ZNRF3: variants seen among roughly 807,000 people sequenced by gnomAD.
The protein encoded by ZNRF3 is zinc and ring finger 3, also known as E3 ubiquitin-protein ligase ZNRF3.
Under a neutral mutation model 72.5 loss-of-function variants are expected in ZNRF3, and 23 were observed. The ratio of observed to expected loss-of-function variants is 0.32; its 90% CI spans 0.23 to 0.45. The LOEUF (loss-of-function observed/expected upper bound fraction) is 0.45. Ranked by LOEUF, ZNRF3 falls within the 20% of genes least tolerant of loss-of-function variation. The pLI is 1.00. For missense variants in ZNRF3, 1,169 were observed against 1,272.1 expected (o/e 0.92, Z 1.23); for synonymous variants, 610 against 545.3 (o/e 1.12, Z -1.65).
At chr22:29,008,732 G>A (rs2036300130) in intron 2 of ZNRF3, among the ~76,000 whole-genome samples, 1 of 152,174 alleles carries the variant, frequency 6.6e-6, no homozygotes, top group Admixed American at 6.5e-5. Context: ...TCACTGGTAA[G>A]ACCAACAACT....
Position 29,053,732 on chromosome 22 carries a change from AGTG to A in ZNRF3, c.*113_*115del. Reference sequence around the variant, plus strand: ...TTTTTAGCTTTGACAAACACACAAAAGTGGTAATAAAGAGAGCCCTCCTTGTCA... The same window carrying A: ...TTTTTAGCTTTGACAAACACACAAAAGTAATAAAGAGAGCCCTCCTTGTCA... On this transcript the variant is annotated 3_prime_UTR_variant, in exon 9 of 9. Transcript: ENST00000544604. 8.6e-7 allele frequency: 1 copy of A among 1,163,936 alleles called. No homozygotes were observed. The highest frequency in any genetic ancestry group is 1.2e-6 in the Non-Finnish European group (1 of 821,056). The allele number at this position is 1,163,936 out of a possible 1,614,324, so 72.1% of individuals were successfully genotyped here.
At chr22:28,904,482 G>A (rs2034167669) in intron 1 of ZNRF3, among the ~76,000 whole-genome samples, 1 of 152,222 alleles carries the variant, frequency 6.6e-6, no homozygotes, top group Non-Finnish European at 1.5e-5. Context: ...GAAGCTGGCA[G>A]TGCTAGAGGC....
intron 2 of ZNRF3, among the ~76,000 whole-genome samples, chr22:29,020,052 AGT>A (rs1312923730): frequency 6.6e-6 from 1 of 152,128 alleles, no homozygotes; most frequent in East Asian, 1.9e-4. Flanking sequence ...CAGATGCTCA[AGT>A]ACCTTATATA....
intron 1 of ZNRF3, among the ~76,000 whole-genome samples, chr22:28,941,355 A>G (rs1262893809): frequency 6.6e-6 from 1 of 152,184 alleles, no homozygotes; most frequent in Non-Finnish European, 1.5e-5. Flanking sequence ...TCATTTTAGA[A>G]ATTCAATTTC....
intron 1 of ZNRF3, among the ~76,000 whole-genome samples, chr22:28,943,804 A>AACACATTTTG (rs1222122861): frequency 6.6e-6 from 1 of 152,190 alleles, no homozygotes; most frequent in East Asian, 1.9e-4. Context: ...CACACATTTT[A>AACACATTTTG]ACACATTTAT....
At chr22:29,017,227 G>A (rs1353429131) in intron 2 of ZNRF3, among the ~76,000 whole-genome samples, 2 of 152,190 alleles carry the variant, frequency 1.3e-5, no homozygotes, top group African/African-American at 4.8e-5. Context: ...ACCTTCTCTT[G>A]AAAAATCAGA....
At position 29,053,724 on chromosome 22, in the gene ZNRF3, C is replaced by G. The variant is rs949239939; in HGVS notation, c.*102C>G. The G allele has an allele frequency of 4.8e-6, 6 of 1,241,168 alleles. No homozygotes were observed. The East Asian group carries it at 1.2e-4, about 25-fold the overall frequency. 76.9% of individuals were successfully genotyped at this position (1,241,168 alleles called of 1,614,324 possible). A position where few individuals can be genotyped will look rare whatever the true frequency, so the allele number is the denominator to read the frequency against. The stretch of plus-strand genomic sequence containing the variant: ...AAAAAATTTTTTTAGCTTTGACAAA[C>G]ACACAAAAGTGGTAATAAAGAGAGC... On this transcript the variant is annotated 3_prime_UTR_variant, in exon 9 of 9. Transcript: ENST00000544604.
Position 29,043,434 on chromosome 22 carries a change from A to G in ZNRF3, c.633+4A>G. ...GATCCAGCACCGCCCTCCTCGAGTG[A>G]GCCTCCGCACCATTTGGCACAGGCT... On this transcript the variant is annotated splice_donor_region_variant and intron_variant, in intron 4 of 8. Transcript: ENST00000544604. 6.2e-7 allele frequency: 1 copy of G among 1,613,016 alleles called. No individual in the cohort carries two copies. The highest frequency in any genetic ancestry group is 8.5e-7 in the Non-Finnish European group (1 of 1,179,912).
At chr22:28,965,062 G>T (rs1256777426) in intron 1 of ZNRF3, among the ~76,000 whole-genome samples, 1 of 152,100 alleles carries the variant, frequency 6.6e-6, no homozygotes, top group African/African-American at 2.4e-5. Context: ...GGTTCCCAGG[G>T]CCTGTCAAAA....
At chr22:28,895,777 G>A (rs1054876050) in intron 1 of ZNRF3, among the ~76,000 whole-genome samples, 2 of 152,194 alleles carry the variant, frequency 1.3e-5, no homozygotes, top group African/African-American at 4.8e-5. Context: ...AGAACTTGGG[G>A]TTCTCGGGGG....
chr22:28,904,145 A>G (rs962923279), intron 1 of ZNRF3, among the ~76,000 whole-genome samples: 2 of 152,318 alleles, frequency 1.3e-5, no homozygotes, highest in Middle Eastern at 6.8e-3. Context: ...ACTCCTAGTT[A>G]ACCTTGGCTC....
chr22:28,884,860 C>T (rs1375451623), intron 1 of ZNRF3, among the ~76,000 whole-genome samples: 1 of 152,316 alleles, frequency 6.6e-6, no homozygotes, highest in Non-Finnish European at 1.5e-5. Context: ...GACCTTTAAG[C>T]CGTGCCTACT....
chr22:29,015,021 A>G (rs1221453661), intron 2 of ZNRF3, among the ~76,000 whole-genome samples: 1 of 152,224 alleles, frequency 6.6e-6, no homozygotes, highest in Non-Finnish European at 1.5e-5. Flanking sequence ...GCTTCCTGTC[A>G]TTCTGTCACT....
intron 1 of ZNRF3, among the ~76,000 whole-genome samples, chr22:28,901,377 C>T (rs132531): frequency 0.57 from 86,524 of 151,970 alleles, 26,945 homozygotes; most frequent in Non-Finnish European, 0.7. Context: ...CTGAGTTGTT[C>T]CCCCTTCTCT....
chr22:28,963,614 A>G (rs1033540157), intron 1 of ZNRF3, among the ~76,000 whole-genome samples: 7 of 152,126 alleles, frequency 4.6e-5, no homozygotes, highest in African/African-American at 1.7e-4. Context: ...CCACCTGCCT[A>G]CCTCTTGGGG....
intron 1 of ZNRF3, among the ~76,000 whole-genome samples, chr22:28,903,890 C>T (rs983388052): frequency 1.2e-4 from 19 of 152,192 alleles, no homozygotes; most frequent in African/African-American, 3.9e-4. Flanking sequence ...CCATGGTGAC[C>T]TTGAGTGTGT....
intron 1 of ZNRF3, among the ~76,000 whole-genome samples, chr22:28,887,964 A>AT (rs139427): frequency 0.13 from 19,779 of 149,768 alleles, 2,048 homozygotes; most frequent in East Asian, 0.3. Context: ...GTCGAAATGC[A>AT]TTTTTTTTTT....
In ZNRF3 at chr22:29,030,604, C is replaced by T. The variant is rs116606314; in HGVS notation, c.427-11891C>T. Reference sequence around the variant, plus strand: ...AATTATGGCGAGAAATATCTTCTCCCGGTGGGGAGGGGCGCGGCCGGTGGC... The same window carrying T: ...AATTATGGCGAGAAATATCTTCTCCTGGTGGGGAGGGGCGCGGCCGGTGGC... On this transcript the variant is annotated intron_variant, in intron 2 of 8. Transcript: ENST00000544604. The surrounding 1 kb of genome is among the most constrained non-coding windows in gnomAD (Gnocchi z 4.2). Among the ~76,000 whole-genome samples the T allele has an allele frequency of 9.9e-3, 1,486 of 150,566 alleles. 32 individuals carry two copies. The highest frequency in any genetic ancestry group is 0.035 in the African/African-American group (1,413 of 40,858).
intron 2 of ZNRF3, among the ~76,000 whole-genome samples, chr22:29,027,823 C>A (rs993412673): frequency 4.6e-5 from 7 of 152,126 alleles, no homozygotes; most frequent in Admixed American, 2.0e-4. Flanking sequence ...GGATTTCAGT[C>A]CAAGCAGTGT....
Sources: gnomAD v4.1 joint callset for allele counts (sites outside exome capture counted in the v4.1 genomes callset) on GRCh38, gnomAD v4.1.1 for gene constraint, Gnocchi (gnomAD v3.1) non-coding constraint, MANE v1.5 for transcripts, NCBI Gene and HGNC (gene_info 2026-07-23, HGNC 2026-07-21) for gene names.